YWHAG: variants seen among roughly 807,000 people sequenced by gnomAD.
YWHAG encodes the protein tyrosine 3-monooxygenase/tryptophan 5-monooxygenase activation protein gamma.
A neutral mutation model predicts 23.3 loss-of-function variants in YWHAG; 1 was observed. The observed-to-expected ratio is 0.04, with a 90% CI of 0.02 to 0.20. YWHAG has a LOEUF of 0.20. Ranked by LOEUF, YWHAG falls within the 10% of genes least tolerant of loss-of-function variation. The pLI is 1.00. For synonymous variants in YWHAG, 160 were observed against 144.0 expected, an observed-to-expected ratio of 1.11 and a Z score of -0.80; for missense variants, 151 against 338.6, an observed-to-expected ratio of 0.45 and a Z score of 4.35.
intron 1 of YWHAG, among the ~76,000 whole-genome samples, chr7:76,334,556 C>T (rs1803590657): frequency 6.6e-6 from 1 of 151,334 alleles, no homozygotes; most frequent in African/African-American, 2.4e-5. Context: ...GCTGGGACTA[C>T]AGGCATCTAC....
Position 76,328,176 on chromosome 7 carries a change from G to A in YWHAG, c.*1401C>T, listed in dbSNP as rs1349574930. 1.3e-5 allele frequency: 2 copies of A among 152,076 alleles called. No homozygotes were observed. Among genetic ancestry groups the A allele is most frequent in the African/African-American group, 2.4e-5 (1 of 41,414 alleles). The allele number at this position is 152,076 out of a possible 1,614,324, so 9.4% of individuals were successfully genotyped here. A position where few individuals can be genotyped will look rare whatever the true frequency, so the allele number is the denominator to read the frequency against. The stretch of plus-strand genomic sequence containing the variant: ...TGAGAATGAGGGCCTTAAGGCTGCC[G>A]AAAACAAATGGGTGGAAATAGCAAC... On this transcript the variant is annotated 3_prime_UTR_variant, in exon 2 of 2. Transcript: ENST00000307630.
Position 76,358,990 on chromosome 7 carries a change from G to A in YWHAG, c.-182C>T, listed in dbSNP as rs1347489902. The A allele has an allele frequency of 1.2e-5, 6 of 490,452 alleles. No homozygotes were observed. The highest frequency in any genetic ancestry group is 6.1e-5 in the African/African-American group (3 of 49,220). 30.4% of individuals were successfully genotyped at this position (490,452 alleles called of 1,614,324 possible). ...CCGCGGGACCGGGCGCGAGGCGGCT[G>A]CGGCTGCTGTGCGTGCCACTGACGG... On this transcript the variant is annotated 5_prime_UTR_variant, in exon 1 of 2. Transcript: ENST00000307630.
At chr7:76,346,178 G>C (rs1452928345) in intron 1 of YWHAG, among the ~76,000 whole-genome samples, 1 of 152,124 alleles carries the variant, frequency 6.6e-6, no homozygotes, top group Non-Finnish European at 1.5e-5. Context: ...AACTCACAGA[G>C]GCATCTAACC....
chr7:76,342,707 G>A (rs73703142), intron 1 of YWHAG, among the ~76,000 whole-genome samples: 1,906 of 152,122 alleles, frequency 0.013, 42 homozygotes, highest in African/African-American at 0.043. Context: ...ATCAGGCTTC[G>A]AACCTCCGCT....
chr7:76,342,035 C>G (rs1803703820), intron 1 of YWHAG, among the ~76,000 whole-genome samples: 1 of 152,196 alleles, frequency 6.6e-6, no homozygotes, highest in African/African-American at 2.4e-5. Context: ...CATGGACTTA[C>G]ACACAGAAAA....
Position 76,329,964 on chromosome 7 carries a change from G to A in YWHAG, c.357C>T (p.Ser119=). Residue 119 remains serine, a synonymous_variant, in exon 2 of 2, where the codon AGC becomes AGT. Coordinates refer to ENST00000307630, the MANE Select transcript of YWHAG (RefSeq NM_012479.4). This position sits in a 1 kb window ranked among gnomAD's most constrained non-coding sequence, Gnocchi z 6.1. ...CTTTCATCTTCAGGTAGAACACTTT[G>A]CTCTCGTACTGGGTCTCGCTGCAAT... is the stretch of plus-strand genomic sequence containing the variant. The part of the protein sequence containing the change: ...IKNCSETQYE[S]KVFYLKMKGD... The A allele has an allele frequency of 3.7e-6, 6 of 1,614,128 alleles. No individual in the cohort carries two copies. Among genetic ancestry groups the A allele is most frequent in the Non-Finnish European group, 5.1e-6 (6 of 1,180,040 alleles).
intron 1 of YWHAG, among the ~76,000 whole-genome samples, chr7:76,342,116 T>C (rs1231770725): frequency 2.0e-5 from 3 of 152,158 alleles, no homozygotes; most frequent in African/African-American, 7.2e-5. Context: ...TACCAACATC[T>C]AGTAATGTAG....
At position 76,329,351 on chromosome 7, in the gene YWHAG, G is replaced by A; in HGVS notation, c.*226C>T. On this transcript the variant is annotated 3_prime_UTR_variant, in exon 2 of 2. Transcript: ENST00000307630. This position sits in a 1 kb window ranked among gnomAD's most constrained non-coding sequence, Gnocchi z 6.1. Reference sequence around the variant, plus strand: ...CATGAATCTACAGAACAGTCCAGACGCCAGTGTGAGGCTGCTATTCCAATA... The same window carrying A: ...CATGAATCTACAGAACAGTCCAGACACCAGTGTGAGGCTGCTATTCCAATA... 1.7e-6 allele frequency: 1 copy of A among 575,382 alleles called. No individual in the cohort carries two copies. Among genetic ancestry groups the A allele is most frequent in the South Asian group, 2.2e-5 (1 of 45,340 alleles). 35.6% of individuals were successfully genotyped at this position (575,382 alleles called of 1,614,324 possible). A position where few individuals can be genotyped will look rare whatever the true frequency, so the allele number is the denominator to read the frequency against.
At chr7:76,355,649 T>C (rs1172084407) in intron 1 of YWHAG, among the ~76,000 whole-genome samples, 1 of 152,002 alleles carries the variant, frequency 6.6e-6, no homozygotes, top group Non-Finnish European at 1.5e-5. Context: ...GGAGGGGGAA[T>C]GGAATATTTA....
In YWHAG at chr7:76,335,006, A is replaced by G. The variant is rs1180298382; in HGVS notation, c.88-4773T>C. Among the ~76,000 whole-genome samples, 5 of 152,354 alleles carry G rather than the reference A, an allele frequency of 3.3e-5. No homozygotes were observed. In the East Asian group the frequency reaches 9.6e-4, roughly 29 times the overall value. ...AGAGTTGTATGTTCTGCTTAAAAAC[A>G]AAGTTTCTGCCTTCTCTACTACTAC... On this transcript the variant is annotated intron_variant, in intron 1 of 1. Transcript: ENST00000307630.
At chr7:76,357,102 A>G (rs1316065455) in intron 1 of YWHAG, among the ~76,000 whole-genome samples, 1 of 152,258 alleles carries the variant, frequency 6.6e-6, no homozygotes, top group East Asian at 1.9e-4. Flanking sequence ...TATTTCCAAT[A>G]CTGATACCTA....
At chr7:76,331,346 G>T (rs1363935044) in intron 1 of YWHAG, among the ~76,000 whole-genome samples, 2 of 150,744 alleles carry the variant, frequency 1.3e-5, no homozygotes, top group Non-Finnish European at 2.9e-5. Context: ...AGTCCCCATT[G>T]TTCCGTGTTG....
chr7:76,331,837 C>CAA (rs113722786), intron 1 of YWHAG, among the ~76,000 whole-genome samples: 2 of 140,486 alleles, frequency 1.4e-5, no homozygotes, highest in African/African-American at 5.2e-5. Flanking sequence ...GGCCCCATCT[C>CAA]AAAAAAAAAA....
chr7:76,329,552 G>T lies in YWHAG; in HGVS notation c.*25C>A, dbSNP rs756765173. On this transcript the variant is annotated 3_prime_UTR_variant, in exon 2 of 2. Coordinates refer to ENST00000307630, the MANE Select transcript of YWHAG (RefSeq NM_012479.4). The surrounding 1 kb of genome is among the most constrained non-coding windows in gnomAD (Gnocchi z 6.1). ...TAAAGACTGCAGTAGTAGCATCCGC[G>T]TGCGCTGCCAGTTCCCCTGGGGCCT... The T allele has an allele frequency of 6.6e-7, 1 of 1,514,844 alleles. No homozygotes were observed. Among genetic ancestry groups the T allele is most frequent in the Non-Finnish European group, 8.9e-7 (1 of 1,120,818 alleles). The allele number at this position is 1,514,844 out of a possible 1,614,324, so 93.8% of individuals were successfully genotyped here. A position where few individuals can be genotyped will look rare whatever the true frequency, so the allele number is the denominator to read the frequency against.
chr7:76,331,541 T>C (rs1437160779), intron 1 of YWHAG, among the ~76,000 whole-genome samples: 1 of 151,270 alleles, frequency 6.6e-6, no homozygotes, highest in East Asian at 1.9e-4. Flanking sequence ...CTGAGAATTC[T>C]TTTTGCGATT....
rs1235900410 is a variant in YWHAG, at chr7:76,358,792, T to C, written c.17A>G (p.Gln6Arg). 1.3e-6 allele frequency: 2 copies of C among 1,595,416 alleles called. No homozygotes were observed. The highest frequency in any genetic ancestry group is 8.5e-7 in the Non-Finnish European group (1 of 1,172,284). The change falls in exon 1 of 2, where the codon CAA becomes CGA. Residue 6 changes from glutamine to arginine, a missense_variant. Transcript: ENST00000307630. ...GGCCAGCCGGGCTTTCTGCACCAGT[T>C]GCTCGCGGTCCACCATCTTCGCGGG... MVDRE[Q>R]LVQKARLAEQ...
At position 76,358,750 on chromosome 7, in the gene YWHAG, T is replaced by C. The variant is rs1290226481; in HGVS notation, c.59A>G (p.Tyr20Cys). The C allele has an allele frequency of 6.3e-7, 1 of 1,592,250 alleles. No homozygotes were observed. The highest frequency in any genetic ancestry group is 8.5e-7 in the Non-Finnish European group (1 of 1,170,852). Residue 20 changes from tyrosine (Y) to cysteine (C), a missense_variant, in exon 1 of 2, where the codon TAC (tyrosine) becomes TGC (cysteine). Tyr to Cys is a radical substitution (Grantham distance 194). Transcript: ENST00000307630. ...CTTCATGGCCGCGGCCATGTCGTCG[T>C]AGCGCTCCGCCTGCTCGGCCAGCCG... ...KARLAEQAER[Y>C]DDMAAAMKNV...
chr7:76,354,188 GTATTTCCCTT>G (rs776824536), intron 1 of YWHAG, among the ~76,000 whole-genome samples: 6 of 151,918 alleles, frequency 3.9e-5, no homozygotes, highest in Non-Finnish European at 8.8e-5. Context: ...TTTAAAAGTA[GTATTTCCCTT>G]TGACTACCGA....
intron 1 of YWHAG, among the ~76,000 whole-genome samples, chr7:76,334,766 G>A (rs1266421050): frequency 6.9e-6 from 1 of 144,356 alleles, no homozygotes; most frequent in Non-Finnish European, 1.5e-5. Flanking sequence ...GAAAAGAAAT[G>A]GGGTCTCACT....
Sources: allele counts gnomAD v4.1 joint callset (sites outside exome capture counted in the v4.1 genomes callset), GRCh38; gene constraint gnomAD v4.1.1; non-coding constraint Gnocchi (gnomAD v3.1); transcripts MANE v1.5; gene names NCBI Gene and HGNC (gene_info 2026-07-23, HGNC 2026-07-21).